Variants in TBXAS1 observed in about 807,000 individuals in gnomAD.
TBXAS1 encodes thromboxane-A synthase.
A neutral mutation model predicts 60.7 loss-of-function variants in TBXAS1; 48 were observed. That is an observed-to-expected ratio of 0.79 (90% CI 0.63 to 1.01). TBXAS1 has a LOEUF of 1.01. Ranked by LOEUF, TBXAS1 falls within the 50% of genes least tolerant of loss-of-function variation. TBXAS1 has a pLI of 0.00. For synonymous variants in TBXAS1, 287 were observed against 269.7 expected (o/e 1.06, Z -0.63); for missense variants, 685 against 686.3 (o/e 1.00, Z 0.02).
intron 4 of TBXAS1, among the ~76,000 whole-genome samples, chr7:139,819,500 T>C (rs1412016847): frequency 6.6e-6 from 1 of 152,110 alleles, no homozygotes; most frequent in Non-Finnish European, 1.5e-5. Context: ...CTCTCTTCTT[T>C]TGTTTGTTTG....
At chr7:140,012,671 C>T (rs1814714496) in intron 10 of TBXAS1, among the ~76,000 whole-genome samples, 1 of 152,002 alleles carries the variant, frequency 6.6e-6, no homozygotes, top group South Asian at 2.1e-4. Context: ...GTTGGCCAGG[C>T]TGGTCTCCAG....
intron 9 of TBXAS1, among the ~76,000 whole-genome samples, chr7:139,973,421 A>G (rs1811350318): frequency 6.6e-6 from 1 of 152,202 alleles, no homozygotes; most frequent in Non-Finnish European, 1.5e-5. Context: ...GGAAAATTGG[A>G]AAATGAGTCT....
At chr7:139,780,359 A>G (rs1335010885) in intron 1 of TBXAS1, among the ~76,000 whole-genome samples, 1 of 152,256 alleles carries the variant, frequency 6.6e-6, no homozygotes, top group Non-Finnish European at 1.5e-5. Context: ...TAATTTTAAT[A>G]ACCATGGGTG....
intron 5 of TBXAS1, among the ~76,000 whole-genome samples, chr7:139,939,116 G>A (rs1261555496): frequency 1.3e-5 from 2 of 152,204 alleles, no homozygotes. Flanking sequence ...TGTAATCCCA[G>A]CACTTTGGGA....
chr7:139,890,591 C>T (rs1803524298), intron 3 of TBXAS1, among the ~76,000 whole-genome samples: 1 of 152,188 alleles, frequency 6.6e-6, no homozygotes, highest in African/African-American at 2.4e-5. Flanking sequence ...GGAGAACAGG[C>T]TTTGAGAGAA....
Position 140,013,780 on chromosome 7 carries a change from C to T in TBXAS1, c.1227-1943C>T, listed in dbSNP as rs1814801902. ...CAGCTTGACCAGGCAAACCTGGAGACTGCATCAACACCAGCAGCCTCCAAC... is the reference window on the plus strand; with the variant it reads ...CAGCTTGACCAGGCAAACCTGGAGATTGCATCAACACCAGCAGCCTCCAAC... On this transcript the variant is annotated intron_variant, in intron 10 of 12. Coordinates refer to ENST00000448866, the MANE Select transcript of TBXAS1 (RefSeq NM_001061.7). The surrounding 1 kb of genome is among the most constrained non-coding windows in gnomAD (Gnocchi z 4.2). 1.3e-5 allele frequency among the ~76,000 whole-genome samples: 2 copies of T among 152,246 alleles called. No homozygotes were observed. Among genetic ancestry groups the T allele is most frequent in the African/African-American group, 2.4e-5 (1 of 41,466 alleles).
At chr7:139,804,360 G>T (rs1797791240) in intron 4 of TBXAS1, among the ~76,000 whole-genome samples, 1 of 152,188 alleles carries the variant, frequency 6.6e-6, no homozygotes, top group African/African-American at 2.4e-5. Flanking sequence ...TATCCCCATT[G>T]TATCTAGGAA....
intron 4 of TBXAS1, among the ~76,000 whole-genome samples, chr7:139,918,609 G>A (rs1331224207): frequency 6.6e-6 from 1 of 152,186 alleles, no homozygotes; most frequent in African/African-American, 2.4e-5. Flanking sequence ...CAGCTTTGGG[G>A]CTGATAGAAG....
At chr7:139,880,088 C>T (rs116792917) in intron 3 of TBXAS1, among the ~76,000 whole-genome samples, 2,333 of 152,198 alleles carry the variant, frequency 0.015, 34 homozygotes, top group African/African-American at 0.033. Context: ...TTCAACATGT[C>T]GGCCAGGCTG....
At chr7:139,921,863 A>T (rs997410114) in intron 4 of TBXAS1, among the ~76,000 whole-genome samples, 1 of 152,210 alleles carries the variant, frequency 6.6e-6, no homozygotes, top group Non-Finnish European at 1.5e-5. Flanking sequence ...TCGCTAGCCC[A>T]CGAGAGTAGG....
intron 3 of TBXAS1, among the ~76,000 whole-genome samples, chr7:139,883,867 C>T (rs951252176): frequency 6.6e-6 from 1 of 152,190 alleles, no homozygotes; most frequent in Non-Finnish European, 1.5e-5. Context: ...TTGATCTATT[C>T]TATTGTATTG....
chr7:139,864,501 T>A (rs1801205150), intron 1 of TBXAS1, among the ~76,000 whole-genome samples: 1 of 152,040 alleles, frequency 6.6e-6, no homozygotes, highest in Admixed American at 6.6e-5. Context: ...CAAATCAGAC[T>A]AATTCTAAAA....
At chr7:139,952,580 A>G (rs1809498048) in intron 5 of TBXAS1, 2 of 1,537,174 alleles carry the variant, frequency 1.3e-6, no homozygotes, top group Non-Finnish European at 1.7e-6. Context: ...AAGAGAGAAT[A>G]AAAGGTCACA....
chr7:139,964,232 T>A (rs141110895), intron 9 of TBXAS1, among the ~76,000 whole-genome samples: 1 of 152,250 alleles, frequency 6.6e-6, no homozygotes, highest in African/African-American at 2.4e-5. Flanking sequence ...ATTACAGACA[T>A]TCACCACCAC....
At chr7:139,893,325 G>GACACACACACACACACACACAC (rs71170920) in intron 3 of TBXAS1, among the ~76,000 whole-genome samples, 8 of 139,880 alleles carry the variant, frequency 5.7e-5, no homozygotes, top group South Asian at 4.9e-4. Flanking sequence ...CTATGGAATA[G>GACACACACACACACACACACAC]ACACACACAC....
At chr7:139,910,357 C>T (rs1483600542) in intron 3 of TBXAS1, among the ~76,000 whole-genome samples, 1 of 152,174 alleles carries the variant, frequency 6.6e-6, no homozygotes, top group Non-Finnish European at 1.5e-5. Context: ...CTGTTGAGGG[C>T]TGGGCACAGA....
chr7:139,881,323 G>A (rs946443907), intron 3 of TBXAS1, among the ~76,000 whole-genome samples: 2 of 151,922 alleles, frequency 1.3e-5, no homozygotes, highest in Non-Finnish European at 1.5e-5. Context: ...TACTCAGAAA[G>A]GTTTTCTCCA....
intron 9 of TBXAS1, among the ~76,000 whole-genome samples, chr7:139,981,203 G>A (rs1420141887): frequency 6.6e-6 from 1 of 152,144 alleles, no homozygotes; most frequent in Non-Finnish European, 1.5e-5. Flanking sequence ...CACCTCCCGG[G>A]TTCAAGTGAT....
At chr7:139,978,372 T>G (rs1438218894) in intron 9 of TBXAS1, among the ~76,000 whole-genome samples, 1 of 151,846 alleles carries the variant, frequency 6.6e-6, no homozygotes, top group African/African-American at 2.4e-5. Flanking sequence ...TAGCCGGGCA[T>G]GGTGGTGCAC....
Sources: gnomAD v4.1 joint callset for allele counts (sites outside exome capture counted in the v4.1 genomes callset) on GRCh38, gnomAD v4.1.1 for gene constraint, Gnocchi (gnomAD v3.1) non-coding constraint, MANE v1.5 for transcripts, NCBI Gene and HGNC (gene_info 2026-07-23, HGNC 2026-07-21) for gene names.